The following CCDC88C variants were observed in gnomAD, a reference collection of about 807,000 sequenced individuals.
The protein encoded by CCDC88C is protein Daple.
A neutral mutation model predicts 198.8 loss-of-function variants in CCDC88C; 131 were observed. The ratio of observed to expected loss-of-function variants is 0.66; its 90% CI spans 0.57 to 0.76. CCDC88C has a LOEUF of 0.76. CCDC88C is among the 30% of genes least tolerant of loss of function. The probability of loss-of-function intolerance (pLI) is 0.00; values close to 1 mark genes in which losing one functional copy is unlikely to be tolerated. For synonymous variants in CCDC88C, 1,166 were observed against 1,114.7 expected (o/e 1.05, Z -0.92); for missense variants, 2,553 against 2,631.6 (o/e 0.97, Z 0.65).
intron 22 of CCDC88C, among the ~76,000 whole-genome samples, chr14:91,296,080 A>G (rs1164164346): frequency 6.6e-6 from 1 of 152,136 alleles, no homozygotes; most frequent in Non-Finnish European, 1.5e-5. Context: ...CTGCGGCTTA[A>G]GCCACCCGGC....
chr14:91,290,364 A>G (rs1054938641), intron 24 of CCDC88C, among the ~76,000 whole-genome samples: 1 of 152,240 alleles, frequency 6.6e-6, no homozygotes, highest in African/African-American at 2.4e-5. Context: ...GGATTCCCAG[A>G]GAGACCTCAA....
chr14:91,310,951 G>A (rs1891793599), intron 15 of CCDC88C, among the ~76,000 whole-genome samples: 1 of 152,190 alleles, frequency 6.6e-6, no homozygotes, highest in Admixed American at 6.5e-5. Context: ...TGTATCAGCT[G>A]AAGCCAGGTC....
At chr14:91,312,557 C>T (rs1026067771) in intron 15 of CCDC88C, among the ~76,000 whole-genome samples, 8 of 152,230 alleles carry the variant, frequency 5.3e-5, no homozygotes, top group South Asian at 2.1e-4. Context: ...TGGTAGTGTG[C>T]ATCTGTAGGC....
intron 3 of CCDC88C, among the ~76,000 whole-genome samples, chr14:91,388,033 C>A (rs8010796): frequency 0.045 from 6,871 of 152,244 alleles, 348 homozygotes; most frequent in African/African-American, 0.12. Context: ...TTCTGCCTTG[C>A]GGCTGGGGAT....
intron 3 of CCDC88C, among the ~76,000 whole-genome samples, chr14:91,407,831 A>G (rs1886587070): frequency 6.6e-6 from 1 of 151,088 alleles, no homozygotes; most frequent in Non-Finnish European, 1.5e-5. Context: ...TCACCAGGAC[A>G]GAGTACAGTG....
Position 91,321,106 on chromosome 14 carries a change from GGAGGCC to G in CCDC88C, c.1527+8_1527+13del. On this transcript the variant is annotated splice_region_variant and intron_variant, in intron 13 of 29. Transcript: ENST00000389857. ...GTTCTGTGCTTCCCCGGTGGCCTAA[GGAGGCC>G]GAGGTACCTTCTTGCTGAGCTGGTG... 1 of 1,599,492 alleles carries G rather than the reference GGAGGCC, an allele frequency of 6.3e-7. No individual in the cohort carries two copies. Among genetic ancestry groups the G allele is most frequent in the South Asian group, 1.1e-5 (1 of 89,364 alleles).
chr14:91,297,835 G>C (rs948508946), intron 21 of CCDC88C, among the ~76,000 whole-genome samples: 31 of 152,096 alleles, frequency 2.0e-4, no homozygotes, highest in African/African-American at 7.5e-4. Flanking sequence ...GTGTACACTT[G>C]AAAAACAAGA....
At chr14:91,392,672 T>G (rs765344971) in intron 3 of CCDC88C, among the ~76,000 whole-genome samples, 4 of 152,004 alleles carry the variant, frequency 2.6e-5, no homozygotes, top group Non-Finnish European at 5.9e-5. Flanking sequence ...TTTGGAGTTC[T>G]TGAAGGCAGC....
In CCDC88C at chr14:91,315,599, C is replaced by T. The variant is rs201918582; in HGVS notation, c.1665+51G>A. On this transcript the variant is annotated intron_variant, in intron 14 of 29. Coordinates refer to ENST00000389857, the MANE Select transcript of CCDC88C (RefSeq NM_001080414.4). ...AGGAATGGCTGTAATCCCGGCTCTC[C>T]GTCTTGCAGGCAGGGGTTCTAGGAG... 101 of 1,604,640 alleles carry T rather than the reference C, an allele frequency of 6.3e-5. 1 individual carries two copies. The highest frequency in any genetic ancestry group is 7.7e-5 in the Non-Finnish European group (91 of 1,174,194).
chr14:91,416,638 C>A (rs942215719), intron 2 of CCDC88C, 100 bp downstream of exon 2: 3 of 848,704 alleles, frequency 3.5e-6, no homozygotes, highest in East Asian at 2.6e-5. Context: ...AACTACCCCC[C>A]ACCCCACACA....
intron 19 of CCDC88C, among the ~76,000 whole-genome samples, chr14:91,304,774 T>C (rs1291920595): frequency 6.6e-6 from 1 of 152,226 alleles, no homozygotes; most frequent in Admixed American, 6.5e-5. Context: ...AATCATTTTA[T>C]GAAGCCAGAA....
intron 10 of CCDC88C, among the ~76,000 whole-genome samples, chr14:91,327,520 A>G (rs1423828853): frequency 6.6e-6 from 1 of 152,128 alleles, no homozygotes; most frequent in Non-Finnish European, 1.5e-5. Flanking sequence ...CAGATGAAAG[A>G]CCAATTCAGA....
rs548389416 is a variant in CCDC88C at position 91,298,391 on chromosome 14, G to A, written c.3780-900C>T. ...CCGTCTCAAAAAAAAAAATGTTGCC[G>A]GGCATAGTGACGCACACCTGTGCTC... On this transcript the variant is annotated intron_variant, in intron 21 of 29. Transcript: ENST00000389857. Among the ~76,000 whole-genome samples the A allele has an allele frequency of 5.3e-5, 8 of 152,064 alleles. No individual in the cohort carries two copies. In the East Asian group the frequency reaches 1.2e-3, roughly 22 times the overall value.
chr14:91,274,215 G>T (rs551278551), intron 29 of CCDC88C, among the ~76,000 whole-genome samples: 147 of 152,078 alleles, frequency 9.7e-4, no homozygotes, highest in Non-Finnish European at 1.9e-3. Context: ...ATGGGAGGGG[G>T]TGGGGGACAG....
At chr14:91,291,172 T>C in intron 23 of CCDC88C, 88 bp from the exon 24 acceptor site, 1 of 741,512 alleles carries the variant, frequency 1.3e-6, no homozygotes, top group South Asian at 1.6e-5. Flanking sequence ...GAACCTGGTG[T>C]ACCCGGGGCT....
In CCDC88C at chr14:91,289,158, A is replaced by G. The variant is rs766273602; in HGVS notation, c.4388T>C (p.Leu1463Pro). ...SQAENPDTPALGSNCAEERDA... is the reference protein window; with the variant it reads ...SQAENPDTPAPGSNCAEERDA... ...GCGCTCTTCTGCACAGTTGGAGCCCAGTGCGGGGGTGTCGGGGTTCTCGGC... is the reference window on the plus strand; with the variant it reads ...GCGCTCTTCTGCACAGTTGGAGCCCGGTGCGGGGGTGTCGGGGTTCTCGGC... The change falls in exon 25 of 30, where the codon CTG becomes CCG. Residue 1463 changes from leucine (L) to proline (P), a missense_variant. Around this residue, in one of 2 missense-constraint regions of CCDC88C, gnomAD observed 1,293 missense variants for 1,219.6 expected, o/e 1.06. Transcript: ENST00000389857. 8 of 1,613,556 alleles carry G rather than the reference A, an allele frequency of 5.0e-6. No individual in the cohort carries two copies. Among genetic ancestry groups the G allele is most frequent in the African/African-American group, 1.3e-5 (1 of 74,926 alleles).
intron 12 of CCDC88C, among the ~76,000 whole-genome samples, chr14:91,322,983 G>T (rs1346991439): frequency 1.4e-5 from 2 of 145,080 alleles, no homozygotes; most frequent in Non-Finnish European, 3.0e-5. Context: ...TTGGCTCGCT[G>T]CAACCTCCAC....
chr14:91,378,261 A>T (rs2139944903), intron 3 of CCDC88C, among the ~76,000 whole-genome samples: 1 of 152,278 alleles, frequency 6.6e-6, no homozygotes, highest in African/African-American at 2.4e-5. Context: ...CCTGAGCTGG[A>T]GGGACAGGGG....
intron 3 of CCDC88C, among the ~76,000 whole-genome samples, chr14:91,397,379 C>T (rs1885908551): frequency 6.6e-6 from 1 of 152,170 alleles, no homozygotes; most frequent in African/African-American, 2.4e-5. Context: ...AAAGCCCCAG[C>T]AAATCAAGGT....
Sources: allele counts gnomAD v4.1 joint callset (sites outside exome capture counted in the v4.1 genomes callset), GRCh38; gene constraint gnomAD v4.1.1; regional missense constraint gnomAD v4.1.1; transcripts MANE v1.5; gene names NCBI Gene and HGNC (gene_info 2026-07-23, HGNC 2026-07-21).